The following RBSN variants were observed in gnomAD, a reference collection of about 807,000 sequenced individuals.
RBSN encodes the protein rabenosyn-5.
A neutral mutation model predicts 60.5 loss-of-function variants in RBSN; 34 were observed. That is an observed-to-expected ratio of 0.56 (90% CI 0.43 to 0.75). The LOEUF (loss-of-function observed/expected upper bound fraction) is 0.75, where lower values mean the gene tolerates loss of function less well. Among genes scored for constraint, RBSN ranks in the 30% least tolerant of loss-of-function variants. RBSN has a pLI of 0.00. For missense variants in RBSN, 845 were observed against 986.8 expected (o/e 0.86, Z 1.92); for synonymous variants, 322 against 366.9 (o/e 0.88, Z 1.40).
At position 15,085,201 on chromosome 3, in the gene RBSN, G is replaced by A. The variant is rs529103897; in HGVS notation, c.391-156C>T. Among the ~76,000 whole-genome samples the A allele has an allele frequency of 2.6e-5, 4 of 152,278 alleles. No homozygotes were observed. The South Asian group carries it at 8.3e-4, about 32-fold the overall frequency. Reference sequence around the variant, plus strand: ...CAAAATCACAAAAACAATTTCACATGGGACAGGGTATTAGTTTTGCATCTA... The same window carrying A: ...CAAAATCACAAAAACAATTTCACATAGGACAGGGTATTAGTTTTGCATCTA... On this transcript the variant is annotated intron_variant, in intron 6 of 13. Coordinates refer to ENST00000253699, the MANE Select transcript of RBSN (RefSeq NM_022340.4).
Position 15,098,455 on chromosome 3 carries a change from T to TAAAAAAA in RBSN, c.-500-188_-500-182dup, listed in dbSNP as rs1485723784. Among the ~76,000 whole-genome samples, 8 of 2,738 alleles carry TAAAAAAA rather than the reference T, an allele frequency of 2.9e-3. 3 individuals are homozygous for TAAAAAAA. The highest frequency in any genetic ancestry group is 3.4e-3 in the African/African-American group (2 of 584). The allele number at this position is 2,738 out of a possible 152,430, so 1.8% of individuals were successfully genotyped here. A position where few individuals can be genotyped will look rare whatever the true frequency, so the allele number is the denominator to read the frequency against. On this transcript the variant is annotated intron_variant, in intron 1 of 13. Transcript: ENST00000253699. Reference sequence around the variant, plus strand: ...CTCGCACTCTAAATCACGTAAAAAGTAAAAAAAATAAAAATAAAAAAAATA... The same window carrying TAAAAAAA: ...CTCGCACTCTAAATCACGTAAAAAGTAAAAAAAAAAAAAAATAAAAATAAAAAAAATA...
At chr3:15,075,106 GA>G in intron 13 of RBSN, 176 bp from the exon 14 acceptor site, 1 of 736,424 alleles carries the variant, frequency 1.4e-6, no homozygotes. Flanking sequence ...TATGTGGGCG[GA>G]AGGGAGACCC....
intron 10 of RBSN, among the ~76,000 whole-genome samples, chr3:15,079,364 C>A (rs1425387476): frequency 2.0e-5 from 3 of 152,170 alleles, no homozygotes; most frequent in Non-Finnish European, 4.4e-5. Context: ...AACGATTTAG[C>A]AATTCCTCTA....
rs1553586800 is a variant in RBSN at position 15,071,509 on chromosome 3, AACCAGCAGGGTTGGTAAC to A, written c.*2255_*2272del. The stretch of plus-strand genomic sequence containing the variant: ...CCAACTTCTCAAAACAACCCATAAC[AACCAGCAGGGTTGGTAAC>A]TGGCTGACATTCATTAACACACTCA... On this transcript the variant is annotated 3_prime_UTR_variant, in exon 14 of 14. Transcript: ENST00000253699. The A allele has an allele frequency of 6.6e-6, 1 of 152,214 alleles. No homozygotes were observed. The highest frequency in any genetic ancestry group is 1.5e-5 in the Non-Finnish European group (1 of 68,056). 9.4% of individuals were successfully genotyped at this position (152,214 alleles called of 1,614,324 possible).
Position 15,082,308 on chromosome 3 carries a change from A to G in RBSN, c.840+59T>C. On this transcript the variant is annotated intron_variant, in intron 9 of 13. Coordinates refer to ENST00000253699, the MANE Select transcript of RBSN (RefSeq NM_022340.4). This position sits in a 1 kb window ranked among gnomAD's most constrained non-coding sequence, Gnocchi z 4.2. ...TTCTCCAGAATCTGCAGGAGTGTAC[A>G]TAACAAACAGCCAAATCTGCCTAAG... is the stretch of plus-strand genomic sequence containing the variant. 3 of 1,586,528 alleles carry G rather than the reference A, an allele frequency of 1.9e-6. No individual in the cohort carries two copies. The highest frequency in any genetic ancestry group is 1.7e-5 in the Admixed American group (1 of 59,380).
chr3:15,088,193 T>C (rs2043399141), intron 5 of RBSN, among the ~76,000 whole-genome samples: 1 of 151,788 alleles, frequency 6.6e-6, no homozygotes, highest in South Asian at 2.1e-4. Flanking sequence ...TGCCATTCAC[T>C]TGACCTTCTA....
At chr3:15,079,433 G>A (rs1415551644) in intron 10 of RBSN, among the ~76,000 whole-genome samples, 1 of 152,042 alleles carries the variant, frequency 6.6e-6, no homozygotes. Flanking sequence ...TCCACTCCTA[G>A]GTACCTACCC....
chr3:15,075,268 TTC>T (rs1390786952), intron 13 of RBSN: 6 of 592,146 alleles, frequency 1.0e-5, no homozygotes, highest in Non-Finnish European at 1.9e-5. Flanking sequence ...ACATATAATT[TTC>T]TGTTTAATAT....
chr3:15,082,526 G>A lies in RBSN; in HGVS notation c.681C>T (p.Arg227=). Residue 227 remains arginine, a synonymous_variant, in exon 9 of 14, where the codon CGC becomes CGT. Coordinates refer to ENST00000253699, the MANE Select transcript of RBSN (RefSeq NM_022340.4). This position sits in a 1 kb window ranked among gnomAD's most constrained non-coding sequence, Gnocchi z 4.2. ...TGCTCATGCTGCTGATGCTGCCTCG[G>A]CGGGAGCCATGGACACTGTTGGGTG... ...SQSPNSVHGS[R]RGSISSMSSV... is the part of the protein sequence containing the mutation. The A allele has an allele frequency of 1.9e-6, 3 of 1,614,166 alleles. No individual in the cohort carries two copies. Among genetic ancestry groups the A allele is most frequent in the Non-Finnish European group, 2.5e-6 (3 of 1,180,018 alleles).
rs373685096 is a variant in RBSN at position 15,071,759 on chromosome 3, A to G, written c.*2023T>C. ...CCCATTATCAAGAGGGGTCTTCACC[A>G]GAATGTAACAAAATGAATTTCAGCT... On this transcript the variant is annotated 3_prime_UTR_variant, in exon 14 of 14. Transcript: ENST00000253699. 37 of 152,766 alleles carry G rather than the reference A, an allele frequency of 2.4e-4. No homozygotes were observed. The highest frequency in any genetic ancestry group is 8.2e-4 in the African/African-American group (34 of 41,596). The allele number at this position is 152,766 out of a possible 1,614,324, so 9.5% of individuals were successfully genotyped here. A position where few individuals can be genotyped will look rare whatever the true frequency, so the allele number is the denominator to read the frequency against.
chr3:15,079,789 G>A (rs2043156122), intron 10 of RBSN, among the ~76,000 whole-genome samples: 1 of 152,230 alleles, frequency 6.6e-6, no homozygotes, highest in Non-Finnish European at 1.5e-5. Context: ...AAGGGCAGTG[G>A]CTGCTAATGG....
Position 15,077,256 on chromosome 3 carries a change from T to C in RBSN, c.999-92A>G, listed in dbSNP as rs111570844. On this transcript the variant is annotated intron_variant, in intron 11 of 13. Transcript: ENST00000253699. This position sits in a 1 kb window ranked among gnomAD's most constrained non-coding sequence, Gnocchi z 4.4. ...AACATCTGGAGTTGCCAGGCTTTCA[T>C]GCCAGGAAGGTGTGTAAAGATGGAC... The C allele has an allele frequency of 1.8e-6, 2 of 1,094,576 alleles. No homozygotes were observed. The highest frequency in any genetic ancestry group is 2.8e-6 in the Non-Finnish European group (2 of 717,402). The allele number at this position is 1,094,576 out of a possible 1,614,324, so 67.8% of individuals were successfully genotyped here. A position where few individuals can be genotyped will look rare whatever the true frequency, so the allele number is the denominator to read the frequency against.
At position 15,084,361 on chromosome 3, in the gene RBSN, GC is replaced by G. The variant is rs1457191207; in HGVS notation, c.598+373del. ...TCAAACTCCTGACCTCAAGTGATCC[GC>G]CTGCCTTGGCCTCTCAAAGTGCTGT... On this transcript the variant is annotated intron_variant, in intron 8 of 13. Transcript: ENST00000253699. The surrounding 1 kb of genome is among the most constrained non-coding windows in gnomAD (Gnocchi z 4.2). Among the ~76,000 whole-genome samples the G allele has an allele frequency of 1.3e-5, 2 of 152,142 alleles. No individual in the cohort carries two copies. The highest frequency in any genetic ancestry group is 2.9e-5 in the Non-Finnish European group (2 of 68,030).
In RBSN at chr3:15,082,393, T is replaced by C; in HGVS notation, c.814A>G (p.Thr272Ala). The change falls in exon 9 of 14, where the codon ACA becomes GCA. Residue 272 changes from threonine (T) to alanine (A), a missense_variant. Physicochemically the swap from Thr to Ala is moderately conservative, Grantham distance 58. Coordinates refer to ENST00000253699, the MANE Select transcript of RBSN (RefSeq NM_022340.4). This position sits in a 1 kb window ranked among gnomAD's most constrained non-coding sequence, Gnocchi z 4.2. Reference sequence around the variant, plus strand: ...TCGTAGAGCTTCACGATGTCAGGTGTGTGCTCCTTCTCATCAATCTGCTGC... The same window carrying C: ...TCGTAGAGCTTCACGATGTCAGGTGCGTGCTCCTTCTCATCAATCTGCTGC... ...REQQIDEKEH[T>A]PDIVKLYEKL... The C allele has an allele frequency of 1.9e-6, 3 of 1,613,698 alleles. No homozygotes were observed. Among genetic ancestry groups the C allele is most frequent in the Non-Finnish European group, 8.5e-7 (1 of 1,179,604 alleles).
intron 9 of RBSN, 25 bp from the exon 10 acceptor site, chr3:15,080,827 G>A (rs1251426347): frequency 1.2e-5 from 19 of 1,605,250 alleles, no homozygotes; most frequent in Non-Finnish European, 1.5e-5. Flanking sequence ...AAAGAGGTAA[G>A]TGGTATGCTC....
In RBSN at chr3:15,074,484, GA is replaced by G; in HGVS notation, c.1652del (p.Phe551SerfsTer25). On this transcript the variant is annotated frameshift_variant, in exon 14 of 14. Transcript: ENST00000253699. LOFTEE classifies it low-confidence loss of function (END_TRUNC). This position sits in a 1 kb window ranked among gnomAD's most constrained non-coding sequence, Gnocchi z 6.4. ...CCAGCTGAAAAGGGCCGATTTCTCT[GA>G]AGTCCAGGGACCGAGTCCGTGTGTG... ...SLHTRTRSLD[F>X]REIGPFQLEP... 1 of 1,614,212 alleles carries G rather than the reference GA, an allele frequency of 6.2e-7. No individual in the cohort carries two copies. The highest frequency in any genetic ancestry group is 8.5e-7 in the Non-Finnish European group (1 of 1,180,034).
chr3:15,090,638 G>A (rs1187767869), intron 4 of RBSN, 99 bp from the exon 5 acceptor site: 12 of 1,495,602 alleles, frequency 8.0e-6, no homozygotes, highest in East Asian at 4.6e-5. Flanking sequence ...AATAATTATC[G>A]TTTGTTTAAA....
chr3:15,077,183 A>G lies in RBSN; in HGVS notation c.999-19T>C. 1 of 1,594,664 alleles carries G rather than the reference A, an allele frequency of 6.3e-7. No individual in the cohort carries two copies. Among genetic ancestry groups the G allele is most frequent in the Non-Finnish European group, 8.6e-7 (1 of 1,162,382 alleles). On this transcript the variant is annotated intron_variant, in intron 11 of 13. Coordinates refer to ENST00000253699, the MANE Select transcript of RBSN (RefSeq NM_022340.4). This position sits in a 1 kb window ranked among gnomAD's most constrained non-coding sequence, Gnocchi z 4.4. ...CTTCTTACTGAATTGGAACAAACAC[A>G]TGAATATAATGAGCACTGCCAGCTT... is the stretch of plus-strand genomic sequence containing the variant.
chr3:15,088,202 T>C (rs2043399274), intron 5 of RBSN, among the ~76,000 whole-genome samples: 1 of 151,868 alleles, frequency 6.6e-6, no homozygotes, highest in Admixed American at 6.6e-5. Context: ...CTTGACCTTC[T>C]ACAATTTGTG....
Sources: allele counts gnomAD v4.1 joint callset (sites outside exome capture counted in the v4.1 genomes callset), GRCh38; gene constraint gnomAD v4.1.1; non-coding constraint Gnocchi (gnomAD v3.1); transcripts MANE v1.5; gene names NCBI Gene and HGNC (gene_info 2026-07-23, HGNC 2026-07-21).